CCDC102B: variants seen among roughly 807,000 people sequenced by gnomAD.
CCDC102B encodes coiled-coil domain containing 102B.
CCDC102B carries 75 observed loss-of-function variants against 57.4 expected under a neutral mutation model. The ratio of observed to expected loss-of-function variants is 1.31; its 90% CI spans 1.08 to 1.58. The LOEUF is 1.58. Among genes scored for constraint, CCDC102B ranks in the 40% most tolerant of loss-of-function variants. The pLI is 0.00. For synonymous variants in CCDC102B, 206 were observed against 201.9 expected, an observed-to-expected ratio of 1.02 and a Z score of -0.17; for missense variants, 636 against 582.6, an observed-to-expected ratio of 1.09 and a Z score of -0.94.
intron 4 of CCDC102B, among the ~76,000 whole-genome samples, chr18:68,851,735 T>G (rs1375221146): frequency 1.3e-5 from 2 of 152,146 alleles, no homozygotes; most frequent in African/African-American, 4.8e-5. Flanking sequence ...CAGCTCATAT[T>G]TAATTAGTCT....
intron 5 of CCDC102B, among the ~76,000 whole-genome samples, chr18:68,880,795 T>C (rs1030067878): frequency 6.6e-6 from 1 of 152,230 alleles, no homozygotes; most frequent in African/African-American, 2.4e-5. Context: ...TATGGCTTGA[T>C]GTACTTTTTA....
intron 1 of CCDC102B, among the ~76,000 whole-genome samples, chr18:68,816,511 G>A (rs1404725698): frequency 8.9e-6 from 1 of 112,234 alleles, no homozygotes; most frequent in Non-Finnish European, 1.7e-5. Context: ...TGTAGCCCAG[G>A]CTGGAGTGCA....
Position 68,837,388 on chromosome 18 carries a change from G to T in CCDC102B, c.606+19G>T, listed in dbSNP as rs777787193. On this transcript the variant is annotated intron_variant, in intron 2 of 7. Coordinates refer to ENST00000360242, the MANE Select transcript of CCDC102B (RefSeq NM_024781.3). ...TAATAAGGTAAGAAAAAAATCCAGAGATGATGTGAATTTCTGAAGGTCATA... is the reference window on the plus strand; with the variant it reads ...TAATAAGGTAAGAAAAAAATCCAGATATGATGTGAATTTCTGAAGGTCATA... The T allele has an allele frequency of 1.3e-6, 2 of 1,590,706 alleles. No individual in the cohort carries two copies. Among genetic ancestry groups the T allele is most frequent in the Non-Finnish European group, 1.7e-6 (2 of 1,169,262 alleles).
intron 6 of CCDC102B, among the ~76,000 whole-genome samples, chr18:68,938,770 A>G (rs527411163): frequency 7.3e-5 from 11 of 151,698 alleles, no homozygotes; most frequent in African/African-American, 2.6e-4. Flanking sequence ...ATTAATGGCC[A>G]TCATATCAGC....
At chr18:68,973,092 C>T (rs1271331725) in intron 6 of CCDC102B, among the ~76,000 whole-genome samples, 1 of 152,086 alleles carries the variant, frequency 6.6e-6, no homozygotes, top group Non-Finnish European at 1.5e-5. Flanking sequence ...TATTAGTTTT[C>T]ATATCGCTAC....
chr18:68,731,832 C>T (rs564009963), intron 2 of CCDC102B, among the ~76,000 whole-genome samples: 1 of 147,522 alleles, frequency 6.8e-6, no homozygotes, highest in East Asian at 2.1e-4. Context: ...AATCTCTGAA[C>T]ACCATTTCTA....
intron 6 of CCDC102B, 52 bp from the exon 7 acceptor site, chr18:69,010,882 G>T: frequency 7.5e-7 from 1 of 1,334,414 alleles, no homozygotes; most frequent in Non-Finnish European, 1.0e-6. Context: ...CCATTCTTCT[G>T]ATTTTATCAG....
chr18:68,828,540 A>G (rs537302626), intron 1 of CCDC102B, among the ~76,000 whole-genome samples: 63 of 151,766 alleles, frequency 4.2e-4, no homozygotes, highest in African/African-American at 1.4e-3. Flanking sequence ...AAAACTGAAT[A>G]AAATGAAAAT....
chr18:68,796,546 A>G (rs912400998), upstream of CCDC102B, among the ~76,000 whole-genome samples: 4 of 152,140 alleles, frequency 2.6e-5, no homozygotes, highest in African/African-American at 9.7e-5. Flanking sequence ...ATGGTAATTT[A>G]AACTATGAGG....
intron 6 of CCDC102B, among the ~76,000 whole-genome samples, chr18:68,984,812 A>G (rs971666524): frequency 3.9e-5 from 6 of 152,152 alleles, no homozygotes; most frequent in Non-Finnish European, 7.4e-5. Context: ...AATGTATCAT[A>G]TTTCCAGACA....
At chr18:68,894,944 T>C (rs2040193833) in intron 5 of CCDC102B, among the ~76,000 whole-genome samples, 1 of 151,940 alleles carries the variant, frequency 6.6e-6, no homozygotes, top group Admixed American at 6.6e-5. Context: ...AATTTTAACA[T>C]TTAAAAGAAT....
At chr18:68,728,379 A>G (rs1052615922) in intron 2 of CCDC102B, among the ~76,000 whole-genome samples, 1 of 152,240 alleles carries the variant, frequency 6.6e-6, no homozygotes, top group Non-Finnish European at 1.5e-5. Flanking sequence ...TTGGCTTTGC[A>G]TTTCGATATC....
chr18:68,965,580 T>A (rs1174776386), intron 6 of CCDC102B, among the ~76,000 whole-genome samples: 7 of 151,452 alleles, frequency 4.6e-5, no homozygotes, highest in African/African-American at 1.7e-4. Flanking sequence ...CTGCACATTG[T>A]GCACATGTAC....
rs574731106 is a variant in CCDC102B, at chr18:68,880,367, C to T, written c.1053+5582C>T. Among the ~76,000 whole-genome samples the T allele has an allele frequency of 1.4e-3, 218 of 152,176 alleles. 1 individual carries two copies. Among genetic ancestry groups the T allele is most frequent in the Middle Eastern group, 6.8e-3 (2 of 294 alleles). The stretch of plus-strand genomic sequence containing the variant: ...ACCGCGCGCAGCCCCGGTTCCTGCT[C>T]GTGCCTCTCCCTCCACACCTCCCTG... On this transcript the variant is annotated intron_variant, in intron 5 of 7. Coordinates refer to ENST00000360242, the MANE Select transcript of CCDC102B (RefSeq NM_024781.3).
chr18:68,816,660 T>G (rs1194958063), intron 1 of CCDC102B, among the ~76,000 whole-genome samples: 1 of 152,046 alleles, frequency 6.6e-6, no homozygotes, highest in Non-Finnish European at 1.5e-5. Flanking sequence ...CAGACGGGGT[T>G]TCACCATGTT....
chr18:68,820,231 T>C (rs2036641318), intron 1 of CCDC102B, among the ~76,000 whole-genome samples: 1 of 152,088 alleles, frequency 6.6e-6, no homozygotes, highest in Admixed American at 6.6e-5. Context: ...TACTTTCCCT[T>C]CTATTTTTAG....
At chr18:68,804,092 A>G (rs1371005610) in intron 1 of CCDC102B, among the ~76,000 whole-genome samples, 1 of 152,168 alleles carries the variant, frequency 6.6e-6, no homozygotes, top group African/African-American at 2.4e-5. Flanking sequence ...GAGATATTAG[A>G]GATGGAGTTT....
rs144438645 is a variant in CCDC102B, at chr18:68,917,359, G to A, written c.1263+19931G>A. 7.8e-3 allele frequency among the ~76,000 whole-genome samples: 1,192 copies of A among 152,176 alleles called. 15 individuals carry two copies. The highest frequency in any genetic ancestry group is 0.027 in the African/African-American group (1,116 of 41,498). ...TCTGATGATGGCTGATGAGCCTGGGGAGTAGCTGTGCTCAGCATAGCTACA... is the reference window on the plus strand; with the variant it reads ...TCTGATGATGGCTGATGAGCCTGGGAAGTAGCTGTGCTCAGCATAGCTACA... On this transcript the variant is annotated intron_variant, in intron 6 of 7. Coordinates refer to ENST00000360242, the MANE Select transcript of CCDC102B (RefSeq NM_024781.3).
At chr18:68,929,492 G>A (rs1338144371) in intron 6 of CCDC102B, among the ~76,000 whole-genome samples, 1 of 151,934 alleles carries the variant, frequency 6.6e-6, no homozygotes, top group Admixed American at 6.6e-5. Flanking sequence ...GGTTCTCGAA[G>A]CTTCAGTTTT....
Sources: gnomAD v4.1 joint callset for allele counts (sites outside exome capture counted in the v4.1 genomes callset) on GRCh38, gnomAD v4.1.1 for gene constraint, MANE v1.5 for transcripts, NCBI Gene and HGNC (gene_info 2026-07-23, HGNC 2026-07-21) for gene names.